The following NKAIN2 variants were observed in gnomAD, a reference collection of about 807,000 sequenced individuals.
The protein encoded by NKAIN2 is sodium/potassium-transporting ATPase subunit beta-1-interacting protein 2.
NKAIN2 carries 14 observed loss-of-function variants against 32.6 expected under a neutral mutation model. The observed-to-expected ratio is 0.43, with a 90% CI of 0.28 to 0.67. The LOEUF is 0.67. Among genes scored for constraint, NKAIN2 ranks in the 30% least tolerant of loss-of-function variants. The pLI, the probability that NKAIN2 is intolerant of heterozygous loss-of-function variation, is 0.17. For missense variants in NKAIN2, 198 were observed against 258.3 expected, an observed-to-expected ratio of 0.77 and a Z score of 1.60; for synonymous variants, 80 against 87.2, an observed-to-expected ratio of 0.92 and a Z score of 0.46.
At chr6:124,054,765 C>G (rs1029922194) in intron 1 of NKAIN2, among the ~76,000 whole-genome samples, 1 of 151,848 alleles carries the variant, frequency 6.6e-6, no homozygotes. Flanking sequence ...TTCAGGTTGC[C>G]GGAGACAGGA....
intron 6 of NKAIN2, among the ~76,000 whole-genome samples, chr6:124,820,249 A>C (rs992487846): frequency 6.6e-6 from 1 of 152,266 alleles, no homozygotes; most frequent in Admixed American, 6.5e-5. Context: ...TTAAAAAGGC[A>C]ATCAGGACTA....
chr6:124,141,303 T>C (rs1458108263), intron 1 of NKAIN2, among the ~76,000 whole-genome samples: 1 of 152,216 alleles, frequency 6.6e-6, no homozygotes, highest in Non-Finnish European at 1.5e-5. Context: ...TCTTGGACCG[T>C]TAGCTAAAAA....
chr6:124,259,545 G>C (rs1010871001), intron 1 of NKAIN2, among the ~76,000 whole-genome samples: 2 of 152,104 alleles, frequency 1.3e-5, no homozygotes, highest in East Asian at 3.9e-4. Context: ...CATTACTCAA[G>C]GATTTGGTAT....
intron 1 of NKAIN2, among the ~76,000 whole-genome samples, chr6:124,059,247 A>G (rs59087320): frequency 0.012 from 1,833 of 152,226 alleles, 34 homozygotes; most frequent in African/African-American, 0.042. Context: ...CCCATTCTCT[A>G]CAAGCTTCTA....
At chr6:124,613,747 A>C (rs1428227357) in intron 3 of NKAIN2, among the ~76,000 whole-genome samples, 1 of 152,122 alleles carries the variant, frequency 6.6e-6, no homozygotes, top group Non-Finnish European at 1.5e-5. Flanking sequence ...TCTATTCCTC[A>C]ACCTATAATA....
chr6:124,289,569 C>T (rs1467333736), intron 2 of NKAIN2, among the ~76,000 whole-genome samples: 2 of 152,108 alleles, frequency 1.3e-5, no homozygotes, highest in East Asian at 1.9e-4. Context: ...TAAAGAATCG[C>T]ATACTCAATT....
rs368443291 is a variant in NKAIN2, at chr6:124,602,196, A to G, written c.274-55990A>G. On this transcript the variant is annotated intron_variant, in intron 3 of 6. Transcript: ENST00000368417. ...GGCCTTAAGGTTTTACATGGCCTCA[A>G]TTGGTTTGTAATTTTAAACAGAGCT... Among the ~76,000 whole-genome samples, 312 of 152,064 alleles carry G rather than the reference A, an allele frequency of 2.1e-3. 4 individuals are homozygous for G. In the South Asian group the frequency reaches 0.024, roughly 12 times the overall value.
At chr6:123,949,074 C>A (rs1777209261) in intron 1 of NKAIN2, among the ~76,000 whole-genome samples, 2 of 151,816 alleles carry the variant, frequency 1.3e-5, no homozygotes, top group Non-Finnish European at 2.9e-5. Context: ...TGGCTATAAA[C>A]ACATTGATTT....
chr6:124,776,247 C>G (rs1416158107), intron 4 of NKAIN2, among the ~76,000 whole-genome samples: 2 of 152,096 alleles, frequency 1.3e-5, no homozygotes, highest in Non-Finnish European at 2.9e-5. Context: ...ATATTTCTAC[C>G]CAACAGTTTA....
At chr6:124,595,284 C>T (rs901440429) in intron 3 of NKAIN2, among the ~76,000 whole-genome samples, 2 of 152,132 alleles carry the variant, frequency 1.3e-5, no homozygotes, top group African/African-American at 4.8e-5. Flanking sequence ...TTCAGCACTC[C>T]CTTTGACTGA....
At chr6:124,111,815 G>A (rs1484929976) in intron 1 of NKAIN2, among the ~76,000 whole-genome samples, 1 of 150,882 alleles carries the variant, frequency 6.6e-6, no homozygotes, top group Non-Finnish European at 1.5e-5. Context: ...TTAGTTTTTT[G>A]TTCTTGTTGT....
intron 3 of NKAIN2, among the ~76,000 whole-genome samples, chr6:124,597,362 AAATATT>A (rs1407582200): frequency 2.6e-5 from 4 of 151,594 alleles, no homozygotes; most frequent in Non-Finnish European, 4.4e-5. Context: ...ACTTATACTA[AAATATT>A]AATATTAATA....
chr6:124,343,185 T>A (rs1798220536), intron 2 of NKAIN2, among the ~76,000 whole-genome samples: 2 of 152,170 alleles, frequency 1.3e-5, no homozygotes, highest in Admixed American at 6.5e-5. Context: ...GGCTGCATAG[T>A]ATTCATGGTG....
intron 1 of NKAIN2, among the ~76,000 whole-genome samples, chr6:124,262,665 T>G (rs1241522378): frequency 6.6e-6 from 1 of 152,116 alleles, no homozygotes; most frequent in Non-Finnish European, 1.5e-5. Flanking sequence ...ATGTATAGAT[T>G]AGTTGAAAAG....
intron 2 of NKAIN2, among the ~76,000 whole-genome samples, chr6:124,293,215 TC>T (rs1795897002): frequency 6.6e-6 from 1 of 152,088 alleles, no homozygotes; most frequent in Admixed American, 6.6e-5. Flanking sequence ...TGCTAATATC[TC>T]TTTAAAATTT....
At chr6:124,724,294 G>A (rs1271803302) in intron 4 of NKAIN2, among the ~76,000 whole-genome samples, 2 of 151,752 alleles carry the variant, frequency 1.3e-5, no homozygotes, top group African/African-American at 4.8e-5. Flanking sequence ...ACCCCAACTT[G>A]TCCATCATGG....
chr6:124,621,817 C>T (rs1001564227), intron 3 of NKAIN2, among the ~76,000 whole-genome samples: 4 of 152,252 alleles, frequency 2.6e-5, no homozygotes, highest in Admixed American at 2.6e-4. Context: ...CAGCTGGAGG[C>T]ACTTCCTTTC....
intron 1 of NKAIN2, among the ~76,000 whole-genome samples, chr6:124,247,679 T>C (rs1033226986): frequency 6.6e-6 from 1 of 152,108 alleles, no homozygotes; most frequent in Non-Finnish European, 1.5e-5. Context: ...ATCTCTCCTA[T>C]ATTTAACAAC....
chr6:124,060,329 G>C lies in NKAIN2; in HGVS notation c.55-222676G>C, dbSNP rs143216501. On this transcript the variant is annotated intron_variant, in intron 1 of 6. Coordinates refer to ENST00000368417, the MANE Select transcript of NKAIN2 (RefSeq NM_001040214.3). ...GTGTAAACCAGCCTGAATCAAATTA[G>C]CCTCTATGCAGTTGTTAACAATTGA... Among the ~76,000 whole-genome samples, 261 of 152,244 alleles carry C rather than the reference G, an allele frequency of 1.7e-3. 2 individuals are homozygous for C. Among genetic ancestry groups the C allele is most frequent in the South Asian group, 5.6e-3 (27 of 4,814 alleles).
Sources: gnomAD v4.1 joint callset for allele counts (sites outside exome capture counted in the v4.1 genomes callset) on GRCh38, gnomAD v4.1.1 for gene constraint, MANE v1.5 for transcripts, NCBI Gene and HGNC (gene_info 2026-07-23, HGNC 2026-07-21) for gene names.